THSD4: variants seen among roughly 807,000 people sequenced by gnomAD.
THSD4 encodes the protein thrombospondin type 1 domain containing 4.
THSD4 carries 69 observed loss-of-function variants against 119.0 expected under a neutral mutation model. That is an observed-to-expected ratio of 0.58 (90% CI 0.48 to 0.71). The LOEUF (loss-of-function observed/expected upper bound fraction) is 0.71, where lower values mean the gene tolerates loss of function less well. THSD4 is among the 30% of genes least tolerant of loss of function. The pLI, the probability that THSD4 is intolerant of heterozygous loss-of-function variation, is 0.00. For missense variants in THSD4, 1,393 were observed against 1,391.1 expected, an observed-to-expected ratio of 1.00 and a Z score of -0.02; for synonymous variants, 524 against 540.4, an observed-to-expected ratio of 0.97 and a Z score of 0.42.
intron 8 of THSD4, among the ~76,000 whole-genome samples, chr15:71,716,561 G>GGTGT (rs57999390): frequency 1.7e-4 from 25 of 144,614 alleles, no homozygotes; most frequent in Admixed American, 9.1e-4. Flanking sequence ...TAGAGTGTGG[G>GGTGT]GTGTGTGTGT....
chr15:71,711,072 A>AATATAT (rs3086741), intron 8 of THSD4, among the ~76,000 whole-genome samples: 1 of 147,844 alleles, frequency 6.8e-6, no homozygotes, highest in Non-Finnish European at 1.5e-5. Context: ...TTGAAAGCAA[A>AATATAT]ATATATATAT....
intron 7 of THSD4, among the ~76,000 whole-genome samples, chr15:71,543,076 A>C (rs531392456): frequency 6.6e-6 from 1 of 152,224 alleles, no homozygotes; most frequent in East Asian, 1.9e-4. Context: ...GAAAAAGTAC[A>C]TTTTGGAGAA....
chr15:71,391,907 G>A (rs1306453035), intron 6 of THSD4, among the ~76,000 whole-genome samples: 1 of 152,140 alleles, frequency 6.6e-6, no homozygotes, highest in Non-Finnish European at 1.5e-5. Flanking sequence ...GAAGGAAATA[G>A]AATAATGAGA....
At position 71,362,916 on chromosome 15, in the gene THSD4, T is replaced by C. The variant is rs576752883; in HGVS notation, c.1016-48771T>C. ...CTAATCTTGGCTTCCCTGGGCCACA[T>C]TGGAAGAATTGTGAATTAGTAAAAT... On this transcript the variant is annotated intron_variant, in intron 6 of 17. Coordinates refer to ENST00000261862, the MANE Select transcript of THSD4 (RefSeq NM_024817.3). Among the ~76,000 whole-genome samples, 19 of 150,268 alleles carry C rather than the reference T, an allele frequency of 1.3e-4. No individual in the cohort carries two copies. In the East Asian group the frequency reaches 3.5e-3, roughly 28 times the overall value.
chr15:71,407,331 T>C (rs2046622189), intron 6 of THSD4, among the ~76,000 whole-genome samples: 1 of 152,218 alleles, frequency 6.6e-6, no homozygotes, highest in South Asian at 2.1e-4. Flanking sequence ...CTGCTTAGGA[T>C]CAGCTTTCTT....
intron 6 of THSD4, among the ~76,000 whole-genome samples, chr15:71,336,617 A>G (rs2045492664): frequency 6.6e-6 from 1 of 152,236 alleles, no homozygotes; most frequent in Non-Finnish European, 1.5e-5. Flanking sequence ...ACTTTTTAAG[A>G]GACATAAAGT....
intron 7 of THSD4, among the ~76,000 whole-genome samples, chr15:71,480,753 T>C (rs922655616): frequency 1.3e-5 from 2 of 152,210 alleles, no homozygotes; most frequent in Non-Finnish European, 2.9e-5. Context: ...AAATATTCCA[T>C]TGGCCAAAGT....
chr15:71,127,168 A>T (rs1172394229), intron 1 of THSD4, among the ~76,000 whole-genome samples: 1 of 152,168 alleles, frequency 6.6e-6, no homozygotes, highest in Non-Finnish European at 1.5e-5. Flanking sequence ...ATAAGTAAAA[A>T]CATGTGGTAT....
At chr15:71,684,232 G>T in intron 8 of THSD4, among the ~76,000 whole-genome samples, 1 of 151,732 alleles carries the variant, frequency 6.6e-6, no homozygotes, top group African/African-American at 2.4e-5. Context: ...ACCTCTATCT[G>T]GTAATTTCGT....
intron 7 of THSD4, among the ~76,000 whole-genome samples, chr15:71,579,562 A>G (rs889563803): frequency 2.2e-4 from 33 of 152,322 alleles, no homozygotes; most frequent in African/African-American, 7.7e-4. Flanking sequence ...GATTAAAGTC[A>G]CTTCCCTGGG....
At chr15:71,766,054 C>T (rs2053712471) in intron 16 of THSD4, among the ~76,000 whole-genome samples, 2 of 152,028 alleles carry the variant, frequency 1.3e-5, no homozygotes, top group Non-Finnish European at 2.9e-5. Flanking sequence ...TTGTGGCCCT[C>T]TAAGTCTTTC....
At chr15:71,280,772 A>G (rs987050236) in intron 6 of THSD4, among the ~76,000 whole-genome samples, 4 of 152,012 alleles carry the variant, frequency 2.6e-5, no homozygotes, top group African/African-American at 7.3e-5. Flanking sequence ...CGAGCCAGGG[A>G]CTGCGAGTTC....
intron 7 of THSD4, among the ~76,000 whole-genome samples, chr15:71,472,647 A>C (rs534166264): frequency 6.6e-6 from 1 of 152,308 alleles, no homozygotes; most frequent in South Asian, 2.1e-4. Flanking sequence ...TCATTCCAAG[A>C]TGAATGTTCC....
At chr15:71,626,602 A>G (rs531905892) in intron 7 of THSD4, among the ~76,000 whole-genome samples, 14 of 152,196 alleles carry the variant, frequency 9.2e-5, no homozygotes, top group African/African-American at 2.2e-4. Flanking sequence ...TGAGATTCCC[A>G]TATGATTTTT....
chr15:71,166,670 A>G (rs964475398), intron 3 of THSD4, among the ~76,000 whole-genome samples: 1 of 152,124 alleles, frequency 6.6e-6, no homozygotes, highest in Non-Finnish European at 1.5e-5. Flanking sequence ...TCCATGCTCT[A>G]TAGAAATTTT....
rs575906289 is a variant in THSD4, at chr15:71,642,498, C to T, written c.1153-18032C>T. The stretch of plus-strand genomic sequence containing the variant: ...TCATGCTGCTATAAAGACACATGCA[C>T]ACGTATGTTTATTGTGGCTCTATTC... On this transcript the variant is annotated intron_variant, in intron 7 of 17. Transcript: ENST00000261862. Among the ~76,000 whole-genome samples the T allele has an allele frequency of 2.1e-4, 32 of 152,200 alleles. No individual in the cohort carries two copies. The South Asian group carries it at 6.6e-3, about 32-fold the overall frequency.
At chr15:71,449,085 A>G (rs2140576633) in intron 7 of THSD4, among the ~76,000 whole-genome samples, 1 of 152,266 alleles carries the variant, frequency 6.6e-6, no homozygotes, top group Admixed American at 6.5e-5. Flanking sequence ...CCAGCGGGCG[A>G]CCTGGTCACT....
At chr15:71,324,241 A>G (rs1229444806) in intron 6 of THSD4, among the ~76,000 whole-genome samples, 1 of 151,664 alleles carries the variant, frequency 6.6e-6, no homozygotes, top group Non-Finnish European at 1.5e-5. Flanking sequence ...TTGACAACGC[A>G]TGCACGATAG....
At position 71,421,158 on chromosome 15, in the gene THSD4, CAAAAAAAAAAAAA is replaced by C. The variant is rs769831708; in HGVS notation, c.1152+9353_1152+9365del. Among the ~76,000 whole-genome samples the C allele has an allele frequency of 3.7e-4, 7 of 18,788 alleles. 2 individuals are homozygous for C. The highest frequency in any genetic ancestry group is 5.5e-4 in the African/African-American group (3 of 5,472). The allele number at this position is 18,788 out of a possible 152,430, so 12.3% of individuals were successfully genotyped here. ...TGGGTGATGGAGTGAGACTCCGTCT[CAAAAAAAAAAAAA>C]AAAAAAAAAAAAAAAAAGGAGTAGT... On this transcript the variant is annotated intron_variant, in intron 7 of 17. Coordinates refer to ENST00000261862, the MANE Select transcript of THSD4 (RefSeq NM_024817.3).
Sources: allele counts gnomAD v4.1 joint callset (sites outside exome capture counted in the v4.1 genomes callset), GRCh38; gene constraint gnomAD v4.1.1; transcripts MANE v1.5; gene names NCBI Gene and HGNC (gene_info 2026-07-23, HGNC 2026-07-21).